PDE4B: variants seen among roughly 807,000 people sequenced by gnomAD.
PDE4B encodes 3',5'-cyclic-AMP phosphodiesterase 4B.
A neutral mutation model predicts 82.2 loss-of-function variants in PDE4B; 20 were observed. That is an observed-to-expected ratio of 0.24 (90% CI 0.17 to 0.35). The LOEUF (loss-of-function observed/expected upper bound fraction) is 0.35, where lower values mean the gene tolerates loss of function less well. Among genes scored for constraint, PDE4B ranks in the 10% least tolerant of loss-of-function variants. PDE4B has a pLI of 1.00. For synonymous variants in PDE4B, 320 were observed against 318.9 expected, an observed-to-expected ratio of 1.00 and a Z score of -0.04; for missense variants, 655 against 907.2, an observed-to-expected ratio of 0.72 and a Z score of 3.57.
chr1:66,303,011 CCA>C (rs1379242246), intron 7 of PDE4B, among the ~76,000 whole-genome samples: 11 of 152,124 alleles, frequency 7.2e-5, no homozygotes, highest in African/African-American at 2.7e-4. Context: ...CAAATATTAC[CCA>C]CACTCTGTTC....
chr1:66,307,889 G>A (rs149649824), intron 7 of PDE4B, among the ~76,000 whole-genome samples: 2 of 152,248 alleles, frequency 1.3e-5, no homozygotes, highest in Non-Finnish European at 2.9e-5. Context: ...TTTGCTGAAT[G>A]AAGGAGTTAA....
intron 3 of PDE4B, among the ~76,000 whole-genome samples, chr1:65,972,464 G>T (rs568007636): frequency 5.9e-5 from 9 of 152,110 alleles, no homozygotes; most frequent in Admixed American, 2.0e-4. Flanking sequence ...CATTTTAAAG[G>T]TTAGATTATT....
At chr1:66,129,698 A>AC (rs1645900542) in intron 3 of PDE4B, among the ~76,000 whole-genome samples, 4 of 32,468 alleles carry the variant, frequency 1.2e-4, no homozygotes, top group Admixed American at 8.4e-4. Flanking sequence ...ACAAAAAAAC[A>AC]AAAAAAAAAA....
At chr1:66,332,222 C>T (rs1660165623) in intron 7 of PDE4B, 3 of 1,442,794 alleles carry the variant, frequency 2.1e-6, no homozygotes, top group Non-Finnish European at 2.7e-6. Flanking sequence ...TTATAAGAGA[C>T]CGTTCCCTCC....
At position 66,257,461 on chromosome 1, in the gene PDE4B, A is replaced by T. The variant is rs1346585468; in HGVS notation, c.477-186A>T. The T allele has an allele frequency of 5.2e-6, 4 of 772,388 alleles. No individual in the cohort carries two copies. The East Asian group carries it at 7.4e-5, about 14-fold the overall frequency. 47.8% of individuals were successfully genotyped at this position (772,388 alleles called of 1,614,324 possible). ...TTCAGGAGTCATGAATCTAGTACTA[A>T]TTTTTTCCTTTCAAGCTCTTGGAAT... On this transcript the variant is annotated intron_variant, in intron 4 of 16. Coordinates refer to ENST00000341517, the MANE Select transcript of PDE4B (RefSeq NM_002600.4).
chr1:66,230,271 A>G (rs960973258), intron 3 of PDE4B, among the ~76,000 whole-genome samples: 3 of 152,240 alleles, frequency 2.0e-5, no homozygotes, highest in Non-Finnish European at 2.9e-5. Context: ...ATAAAGCTCT[A>G]GGAGAGCGTG....
intron 3 of PDE4B, among the ~76,000 whole-genome samples, chr1:65,921,352 G>T (rs928239417): frequency 6.6e-6 from 1 of 152,072 alleles, no homozygotes; most frequent in Non-Finnish European, 1.5e-5. Context: ...ATTGGTGAAG[G>T]AATCTGATTA....
chr1:66,062,734 C>T (rs759130857), intron 3 of PDE4B, among the ~76,000 whole-genome samples: 3 of 152,028 alleles, frequency 2.0e-5, no homozygotes, highest in Non-Finnish European at 4.4e-5. Flanking sequence ...TGCTAAAATT[C>T]TATGAAAAGC....
At chr1:66,173,521 T>A (rs904803604) in intron 3 of PDE4B, among the ~76,000 whole-genome samples, 3 of 152,226 alleles carry the variant, frequency 2.0e-5, no homozygotes, top group African/African-American at 7.2e-5. Flanking sequence ...TTACCTATAG[T>A]CTTTGAGGTG....
chr1:66,100,211 G>A (rs569630766), intron 3 of PDE4B, among the ~76,000 whole-genome samples: 29 of 151,926 alleles, frequency 1.9e-4, no homozygotes, highest in Non-Finnish European at 3.7e-4. Context: ...GCACCACCAC[G>A]CTGACTAGTT....
intron 1 of PDE4B, among the ~76,000 whole-genome samples, chr1:65,878,212 A>G (rs1326278963): frequency 6.6e-6 from 1 of 152,236 alleles, no homozygotes; most frequent in Non-Finnish European, 1.5e-5. Context: ...AATGGTGACC[A>G]TTAAAAAGTC....
intron 3 of PDE4B, among the ~76,000 whole-genome samples, chr1:66,099,747 T>C (rs1381142875): frequency 2.0e-5 from 3 of 152,100 alleles, no homozygotes; most frequent in South Asian, 2.1e-4. Context: ...ACCTACAATA[T>C]ATAAAATGTT....
Position 66,276,662 on chromosome 1 carries a change from C to A in PDE4B, c.634+10575C>A, listed in dbSNP as rs189337209. ...TTCATTCATTAATGTATTTAATAAA[C>A]GTGTTAAATTCATACTGTATACAAG... On this transcript the variant is annotated intron_variant, in intron 7 of 16. Transcript: ENST00000341517. Among the ~76,000 whole-genome samples, 79 of 152,248 alleles carry A rather than the reference C, an allele frequency of 5.2e-4. 1 individual carries two copies. The highest frequency in any genetic ancestry group is 1.2e-4 in the Non-Finnish European group (8 of 68,014).
intron 3 of PDE4B, among the ~76,000 whole-genome samples, chr1:66,207,999 CAATT>C (rs1374096472): frequency 2.0e-5 from 3 of 152,116 alleles, no homozygotes; most frequent in African/African-American, 7.2e-5. Flanking sequence ...TTGTGTGGCT[CAATT>C]ACTTAGACTA....
At chr1:66,338,834 C>T (rs1398563526) in intron 8 of PDE4B, among the ~76,000 whole-genome samples, 1 of 151,562 alleles carries the variant, frequency 6.6e-6, no homozygotes, top group Non-Finnish European at 1.5e-5. Context: ...CCGGCTAAAA[C>T]GGTGAAACCC....
intron 5 of PDE4B, 42 bp from the exon 6 acceptor site, chr1:66,257,751 G>C (rs755165858): frequency 1.2e-6 from 2 of 1,608,036 alleles, no homozygotes; most frequent in South Asian, 2.2e-5. Context: ...CTGGCCATTT[G>C]TCTTCTTTTG....
chr1:66,067,581 G>C (rs1400324717), intron 3 of PDE4B, among the ~76,000 whole-genome samples: 2 of 152,068 alleles, frequency 1.3e-5, no homozygotes, highest in Non-Finnish European at 2.9e-5. Flanking sequence ...GTAGATTCTG[G>C]ATATTAGCCG....
intron 3 of PDE4B, among the ~76,000 whole-genome samples, chr1:65,958,864 T>C (rs1282339190): frequency 6.6e-6 from 1 of 152,220 alleles, no homozygotes; most frequent in African/African-American, 2.4e-5. Flanking sequence ...GTTTTGTATC[T>C]GTAGTTATGA....
At chr1:66,318,356 G>A (rs1027473615) in intron 7 of PDE4B, among the ~76,000 whole-genome samples, 3 of 152,080 alleles carry the variant, frequency 2.0e-5, no homozygotes, top group African/African-American at 7.2e-5. Flanking sequence ...CCTGACTTAT[G>A]GTGGGTCAAA....
Sources: gnomAD v4.1 joint callset for allele counts (sites outside exome capture counted in the v4.1 genomes callset) on GRCh38, gnomAD v4.1.1 for gene constraint, MANE v1.5 for transcripts, NCBI Gene and HGNC (gene_info 2026-07-23, HGNC 2026-07-21) for gene names.